Variants in CERT1 observed in about 807,000 individuals in gnomAD.
CERT1 encodes ceramide transfer protein.
In CERT1, 31 loss-of-function variants were observed where a neutral mutation model predicts 87.9. The observed-to-expected ratio is 0.35, with a 90% CI of 0.27 to 0.48. CERT1 has a LOEUF of 0.48. CERT1 is among the 20% of genes least tolerant of loss of function. The pLI, the probability that CERT1 is intolerant of heterozygous loss-of-function variation, is 0.99. For missense variants in CERT1, 487 were observed against 758.0 expected (o/e 0.64, Z 4.20); for synonymous variants, 289 against 250.9 (o/e 1.15, Z -1.44).
intron 3 of CERT1, among the ~76,000 whole-genome samples, chr5:75,438,394 A>C (rs1458525588): frequency 6.6e-6 from 1 of 152,172 alleles, no homozygotes; most frequent in Non-Finnish European, 1.5e-5. Flanking sequence ...TTGAGGGTGA[A>C]GCAGGGTTAA....
chr5:75,501,019 C>T (rs1263560318), intron 2 of CERT1, among the ~76,000 whole-genome samples: 1 of 149,814 alleles, frequency 6.7e-6, no homozygotes, highest in Non-Finnish European at 1.5e-5. Flanking sequence ...GACAGGGTCT[C>T]ACTCTGTCTC....
intron 12 of CERT1, among the ~76,000 whole-genome samples, chr5:75,387,942 G>A (rs1761866486): frequency 6.6e-6 from 1 of 152,076 alleles, no homozygotes; most frequent in Non-Finnish European, 1.5e-5. Context: ...ACGTCATCCA[G>A]ACCATCACTC....
intron 2 of CERT1, among the ~76,000 whole-genome samples, chr5:75,486,477 C>T (rs1232326595): frequency 6.6e-6 from 1 of 151,844 alleles, no homozygotes; most frequent in African/African-American, 2.4e-5. Context: ...CAACATAGGA[C>T]TGAAAGTCCC....
intron 12 of CERT1, among the ~76,000 whole-genome samples, chr5:75,387,713 G>A (rs1296062488): frequency 1.3e-5 from 2 of 150,458 alleles, no homozygotes; most frequent in Non-Finnish European, 2.9e-5. Context: ...TTGCACTCCA[G>A]CCTGGGTGAC....
At chr5:75,386,929 G>A (rs1233050727) in intron 12 of CERT1, among the ~76,000 whole-genome samples, 1 of 152,038 alleles carries the variant, frequency 6.6e-6, no homozygotes, top group Non-Finnish European at 1.5e-5. Context: ...GTGCAATGGC[G>A]CCGTCTCGGC....
In CERT1 at chr5:75,511,256, G is replaced by T; in HGVS notation, c.-49C>A. On this transcript the variant is annotated 5_prime_UTR_variant, in exon 1 of 17. Transcript: ENST00000643780. Reference sequence around the variant, plus strand: ...GACCGGCCCCCGCTCCCTCAGCTGCGCCGGAGGAGGCGCCCAGTCCTCGGG... The same window carrying T: ...GACCGGCCCCCGCTCCCTCAGCTGCTCCGGAGGAGGCGCCCAGTCCTCGGG... 6.2e-7 allele frequency: 1 copy of T among 1,600,126 alleles called. No individual in the cohort carries two copies. Among genetic ancestry groups the T allele is most frequent in the Non-Finnish European group, 8.5e-7 (1 of 1,173,426 alleles).
At chr5:75,472,836 A>G (rs1765774171) in intron 2 of CERT1, among the ~76,000 whole-genome samples, 1 of 152,230 alleles carries the variant, frequency 6.6e-6, no homozygotes, top group Non-Finnish European at 1.5e-5. Flanking sequence ...TAGAGCCACT[A>G]AAGAAAACAC....
At chr5:75,445,591 C>T (rs1764503448) in intron 3 of CERT1, among the ~76,000 whole-genome samples, 1 of 152,178 alleles carries the variant, frequency 6.6e-6, no homozygotes, top group Non-Finnish European at 1.5e-5. Context: ...TTCCAAGTAG[C>T]TAGGACTACA....
chr5:75,496,570 T>C (rs1349264563), intron 2 of CERT1, among the ~76,000 whole-genome samples: 2 of 152,212 alleles, frequency 1.3e-5, no homozygotes, highest in Admixed American at 6.5e-5. Context: ...GAAACAAATA[T>C]ATATCCGTCA....
chr5:75,434,586 C>G (rs1294588209), intron 3 of CERT1, among the ~76,000 whole-genome samples: 1 of 150,750 alleles, frequency 6.6e-6, no homozygotes, highest in Non-Finnish European at 1.5e-5. Flanking sequence ...CTTTATACAT[C>G]TGGTAGAATA....
At chr5:75,454,484 T>C (rs1038386697) in intron 3 of CERT1, among the ~76,000 whole-genome samples, 1 of 152,204 alleles carries the variant, frequency 6.6e-6, no homozygotes, top group Non-Finnish European at 1.5e-5. Flanking sequence ...TCAAAAGATT[T>C]TCTTATTTGA....
intron 8 of CERT1, among the ~76,000 whole-genome samples, chr5:75,408,206 G>A (rs1042463844): frequency 2.0e-5 from 3 of 152,154 alleles, no homozygotes; most frequent in South Asian, 2.1e-4. Context: ...TAGGAGACAC[G>A]ATAAGGGTAA....
chr5:75,480,054 G>C (rs971940176), intron 2 of CERT1, among the ~76,000 whole-genome samples: 9 of 152,060 alleles, frequency 5.9e-5, no homozygotes, highest in African/African-American at 1.7e-4. Flanking sequence ...TTACCTTCTA[G>C]TTTCAAGGAG....
intron 17 of CERT1, chr5:75,368,904 C>A (rs946621257): frequency 6.6e-6 from 1 of 151,752 alleles, no homozygotes; most frequent in Admixed American, 6.6e-5. Flanking sequence ...TTGAAAATAA[C>A]GTAAGTTGAA....
At chr5:75,485,447 A>G (rs1766479230) in intron 2 of CERT1, among the ~76,000 whole-genome samples, 1 of 151,872 alleles carries the variant, frequency 6.6e-6, no homozygotes, top group African/African-American at 2.4e-5. Flanking sequence ...CTTCAAATAG[A>G]CAACCTAATG....
At chr5:75,443,999 C>T (rs1164704164) in intron 3 of CERT1, among the ~76,000 whole-genome samples, 4 of 152,178 alleles carry the variant, frequency 2.6e-5, no homozygotes, top group Non-Finnish European at 5.9e-5. Flanking sequence ...ATATTTTCTT[C>T]CATTCTTTCA....
At chr5:75,393,862 G>T (rs1425553906) in intron 11 of CERT1, among the ~76,000 whole-genome samples, 1 of 151,652 alleles carries the variant, frequency 6.6e-6, no homozygotes, top group African/African-American at 2.4e-5. Flanking sequence ...ATACTCAGGA[G>T]TCTGAGGCAG....
chr5:75,459,209 G>T, intron 2 of CERT1, 28 bp from the exon 3 acceptor site: 2 of 1,396,448 alleles, frequency 1.4e-6, no homozygotes, highest in Non-Finnish European at 1.0e-6. Flanking sequence ...AAAATGAAAA[G>T]CAAAGCTAAT....
intron 16 of CERT1, among the ~76,000 whole-genome samples, chr5:75,380,791 A>AAG (rs1014614614): frequency 6.6e-6 from 1 of 151,540 alleles, no homozygotes; most frequent in African/African-American, 2.4e-5. Flanking sequence ...AAAAAAAAAA[A>AAG]AAAAAAAAGA....
Sources: allele counts gnomAD v4.1 joint callset (sites outside exome capture counted in the v4.1 genomes callset), GRCh38; gene constraint gnomAD v4.1.1; transcripts MANE v1.5; gene names NCBI Gene and HGNC (gene_info 2026-07-23, HGNC 2026-07-21).